The following FBXO15 variants were observed in gnomAD, a reference collection of about 807,000 sequenced individuals.
The protein encoded by FBXO15 is F-box protein 15, also known as F-box only protein 15.
A neutral mutation model predicts 49.5 loss-of-function variants in FBXO15; 30 were observed. The ratio of observed to expected loss-of-function variants is 0.61; its 90% confidence interval spans 0.45 to 0.82. The LOEUF is 0.82. FBXO15 is among the 40% of genes least tolerant of loss of function. The probability of loss-of-function intolerance (pLI) is 0.00; values close to 1 mark genes in which losing one functional copy is unlikely to be tolerated. For synonymous variants in FBXO15, 250 were observed against 232.7 expected (o/e 1.07, Z -0.68); for missense variants, 591 against 631.5 (o/e 0.94, Z 0.69).
intron 9 of FBXO15, among the ~76,000 whole-genome samples, chr18:74,076,775 T>C (rs1912273681): frequency 6.6e-6 from 1 of 152,158 alleles, no homozygotes; most frequent in African/African-American, 2.4e-5. Flanking sequence ...CGGCTACCAT[T>C]AAGGCCTGAC....
chr18:74,108,120 G>A (rs1273996215), intron 8 of FBXO15, among the ~76,000 whole-genome samples: 12 of 152,156 alleles, frequency 7.9e-5, no homozygotes, highest in African/African-American at 2.9e-4. Flanking sequence ...AGGACATCAT[G>A]TCCAGCTATC....
intron 9 of FBXO15, among the ~76,000 whole-genome samples, chr18:74,077,311 C>G (rs1420338145): frequency 6.6e-6 from 1 of 152,094 alleles, no homozygotes; most frequent in Non-Finnish European, 1.5e-5. Flanking sequence ...CAGCAGGAGC[C>G]CTAATGCATC....
Position 74,147,734 on chromosome 18 carries a change from T to C in FBXO15, c.52A>G (p.Thr18Ala). ...ILQQHWLGLQTLRGPSRGGGA... is the reference protein window; with the variant it reads ...ILQQHWLGLQALRGPSRGGGA... ...CCGCCCCTGCTGGGCCCGCGCAGCGTCTGGAGGCCGAGCCAGTGCTGCTGC... is the reference window on the plus strand; with the variant it reads ...CCGCCCCTGCTGGGCCCGCGCAGCGCCTGGAGGCCGAGCCAGTGCTGCTGC... The change falls in exon 1 of 10, where the codon ACG becomes GCG. Residue 18 changes from threonine (T) to alanine (A), a missense_variant. Thr to Ala is a moderately conservative substitution (Grantham distance 58). Coordinates refer to ENST00000419743, the MANE Select transcript of FBXO15 (RefSeq NM_001142958.2). The C allele has an allele frequency of 6.5e-7, 1 of 1,536,480 alleles. No individual in the cohort carries two copies. The highest frequency in any genetic ancestry group is 8.7e-7 in the Non-Finnish European group (1 of 1,143,342).
At chr18:74,136,381 G>C (rs1978726347) in intron 2 of FBXO15, among the ~76,000 whole-genome samples, 1 of 152,100 alleles carries the variant, frequency 6.6e-6, no homozygotes, top group East Asian at 1.9e-4. Context: ...TCACCATGTT[G>C]CCCACCAAAC....
At chr18:74,119,536 G>T (rs988624364) in intron 8 of FBXO15, among the ~76,000 whole-genome samples, 2 of 152,118 alleles carry the variant, frequency 1.3e-5, no homozygotes, top group African/African-American at 4.8e-5. Context: ...GGAGAGTGAG[G>T]GCTTCTAGGT....
intron 9 of FBXO15, among the ~76,000 whole-genome samples, chr18:74,077,665 C>A (rs781497920): frequency 2.0e-5 from 3 of 152,196 alleles, no homozygotes; most frequent in Non-Finnish European, 2.9e-5. Context: ...AAACACCCTA[C>A]ACTGCAGCCT....
At chr18:74,136,239 T>A (rs1978714989) in intron 2 of FBXO15, among the ~76,000 whole-genome samples, 1 of 152,178 alleles carries the variant, frequency 6.6e-6, no homozygotes, top group Non-Finnish European at 1.5e-5. Flanking sequence ...TAGAATGCAG[T>A]GGCATGATCA....
At chr18:74,102,137 C>G (rs1913550226) in intron 8 of FBXO15, among the ~76,000 whole-genome samples, 1 of 151,974 alleles carries the variant, frequency 6.6e-6, no homozygotes, top group South Asian at 2.1e-4. Context: ...AACTAAAGAG[C>G]TTTTTCACGG....
chr18:74,130,712 T>C (rs1471060886), intron 3 of FBXO15, 54 bp from the exon 4 acceptor site: 4 of 1,524,580 alleles, frequency 2.6e-6, no homozygotes, highest in African/African-American at 1.4e-5. Flanking sequence ...CCTACCTTAG[T>C]CATAATATAT....
At chr18:74,098,149 A>G (rs1913361239) in intron 8 of FBXO15, 1 of 152,270 alleles carries the variant, frequency 6.6e-6, no homozygotes, top group African/African-American at 2.4e-5. Context: ...CCTTCCTTCT[A>G]ACATAGCCTA....
intron 8 of FBXO15, among the ~76,000 whole-genome samples, chr18:74,102,919 C>T (rs1020946560): frequency 1.3e-5 from 2 of 151,802 alleles, no homozygotes; most frequent in Admixed American, 6.6e-5. Flanking sequence ...GATGCAAAGG[C>T]GTAATGACAC....
rs183168282 is a variant in FBXO15 at position 74,140,343 on chromosome 18, G to A, written c.117-31C>T. On this transcript the variant is annotated intron_variant, in intron 1 of 9. Coordinates refer to ENST00000419743, the MANE Select transcript of FBXO15 (RefSeq NM_001142958.2). ...AGTAAATGTGGGAAATTCAAATTAT[G>A]TAATTACCAAATGAGGTGAATTATC... is the stretch of plus-strand genomic sequence containing the variant. The A allele has an allele frequency of 1.1e-4, 166 of 1,526,642 alleles. 1 individual carries two copies. In the African/African-American group the frequency reaches 2.2e-3, roughly 20 times the overall value. The allele number at this position is 1,526,642 out of a possible 1,614,324, so 94.6% of individuals were successfully genotyped here.
At chr18:74,115,664 C>T (rs1285978742) in intron 8 of FBXO15, among the ~76,000 whole-genome samples, 7 of 152,150 alleles carry the variant, frequency 4.6e-5, no homozygotes, top group Non-Finnish European at 1.0e-4. Flanking sequence ...CAACGCATTC[C>T]ATACTTTCTA....
intron 8 of FBXO15, among the ~76,000 whole-genome samples, chr18:74,082,338 G>A (rs1304942946): frequency 6.6e-6 from 1 of 152,230 alleles, no homozygotes; most frequent in Non-Finnish European, 1.5e-5. Flanking sequence ...TGATGGAAAG[G>A]TGGTCGCTGA....
chr18:74,085,979 C>A (rs1158926675), intron 8 of FBXO15, among the ~76,000 whole-genome samples: 5 of 152,134 alleles, frequency 3.3e-5, no homozygotes, highest in Admixed American at 6.5e-5. Flanking sequence ...CATAATAAGT[C>A]ATCAGATGTA....
intron 1 of FBXO15, among the ~76,000 whole-genome samples, chr18:74,146,497 CT>C (rs529360717): frequency 6.2e-4 from 95 of 152,314 alleles, no homozygotes; most frequent in Non-Finnish European, 1.0e-3. Flanking sequence ...CTGCTTCCCC[CT>C]AATAGAGCAC....
At chr18:74,099,827 T>A (rs925950349) in intron 8 of FBXO15, 4 of 152,144 alleles carry the variant, frequency 2.6e-5, no homozygotes, top group African/African-American at 7.2e-5. Flanking sequence ...AGGGGGACAT[T>A]ATGTAATGAT....
intron 8 of FBXO15, among the ~76,000 whole-genome samples, chr18:74,110,191 G>GTGCA (rs1913956647): frequency 3.5e-5 from 1 of 28,588 alleles, no homozygotes; most frequent in South Asian, 2.6e-3. Context: ...ACACATATGT[G>GTGCA]TGCATATATA....
intron 2 of FBXO15, among the ~76,000 whole-genome samples, chr18:74,138,939 TAAAC>T (rs990039649): frequency 2.0e-5 from 3 of 152,036 alleles, no homozygotes; most frequent in Admixed American, 1.3e-4. Flanking sequence ...GGTAAACAAA[TAAAC>T]AAGATAATTT....
Sources: allele counts gnomAD v4.1 joint callset (sites outside exome capture counted in the v4.1 genomes callset), GRCh38; gene constraint gnomAD v4.1.1; transcripts MANE v1.5; gene names NCBI Gene and HGNC (gene_info 2026-07-23, HGNC 2026-07-21).